Variants in EXOC5 observed in about 807,000 individuals in gnomAD.
EXOC5 encodes SEC10-like 1.
EXOC5 carries 17 observed loss-of-function variants against 90.8 expected under a neutral mutation model. That is an observed-to-expected ratio of 0.19 (90% CI 0.13 to 0.28). The LOEUF is 0.28. Ranked by LOEUF, EXOC5 falls within the 10% of genes least tolerant of loss-of-function variation. The pLI, the probability that EXOC5 is intolerant of heterozygous loss-of-function variation, is 1.00. For synonymous variants in EXOC5, 260 were observed against 270.0 expected (o/e 0.96, Z 0.36); for missense variants, 569 against 830.6 (o/e 0.69, Z 3.87).
At chr14:57,233,488 A>AAT (rs1883547171) in intron 9 of EXOC5, among the ~76,000 whole-genome samples, 1 of 152,032 alleles carries the variant, frequency 6.6e-6, no homozygotes, top group Non-Finnish European at 1.5e-5. Flanking sequence ...ATCTTACCAC[A>AAT]ATATATTATA....
chr14:57,217,587 T>C (rs1372558835), intron 15 of EXOC5, among the ~76,000 whole-genome samples: 4 of 152,162 alleles, frequency 2.6e-5, no homozygotes, highest in African/African-American at 9.6e-5. Flanking sequence ...CTCCAGATAA[T>C]GGCTGTTTCC....
chr14:57,218,880 TA>T (rs1256923994), intron 14 of EXOC5, among the ~76,000 whole-genome samples: 7 of 152,110 alleles, frequency 4.6e-5, no homozygotes, highest in Admixed American at 4.6e-4. Context: ...TATGAAGATA[TA>T]AACCAAACCT....
At chr14:57,235,031 C>T (rs1469668488) in intron 7 of EXOC5, among the ~76,000 whole-genome samples, 1 of 152,036 alleles carries the variant, frequency 6.6e-6, no homozygotes, top group Non-Finnish European at 1.5e-5. Context: ...ATAAATCATA[C>T]ATAAAAACCA....
At chr14:57,246,975 A>G in intron 2 of EXOC5, 117 bp from the exon 3 acceptor site, 1 of 583,674 alleles carries the variant, frequency 1.7e-6, no homozygotes, top group South Asian at 2.8e-5. Context: ...TGAAATGATC[A>G]TGTTAATTTT....
At chr14:57,225,852 G>A (rs1208799459) in intron 12 of EXOC5, among the ~76,000 whole-genome samples, 1 of 152,192 alleles carries the variant, frequency 6.6e-6, no homozygotes, top group African/African-American at 2.4e-5. Flanking sequence ...TGTCCGGAAA[G>A]GCGGGACAAC....
intron 1 of EXOC5, among the ~76,000 whole-genome samples, chr14:57,250,798 G>T (rs75139575): frequency 2.0e-5 from 3 of 152,186 alleles, no homozygotes; most frequent in Admixed American, 6.5e-5. Context: ...AGTTGAGGTA[G>T]CTAATCATGC....
chr14:57,261,247 A>T (rs1175092244), intron 1 of EXOC5, among the ~76,000 whole-genome samples: 3 of 152,326 alleles, frequency 2.0e-5, no homozygotes, highest in African/African-American at 7.2e-5. Context: ...AGAACAAGGC[A>T]ATCAATCACT....
At chr14:57,251,997 G>A (rs946290256) in intron 1 of EXOC5, among the ~76,000 whole-genome samples, 1 of 152,048 alleles carries the variant, frequency 6.6e-6, no homozygotes, top group African/African-American at 2.4e-5. Flanking sequence ...AATCTACCAA[G>A]GCTAAATCCT....
chr14:57,268,548 C>T (rs1884767317), intron 1 of EXOC5, 74 bp downstream of exon 1: 2 of 1,545,140 alleles, frequency 1.3e-6, no homozygotes. Flanking sequence ...AGCAAACGCC[C>T]GCTCCTCGGC....
At chr14:57,218,466 A>C (rs1244237604) in intron 14 of EXOC5, among the ~76,000 whole-genome samples, 1 of 152,084 alleles carries the variant, frequency 6.6e-6, no homozygotes, top group Non-Finnish European at 1.5e-5. Flanking sequence ...GAATACAGTA[A>C]ATCATACTAT....
At chr14:57,268,410 C>A in intron 1 of EXOC5, 2 of 1,386,180 alleles carry the variant, frequency 1.4e-6, no homozygotes, top group South Asian at 2.9e-5. Flanking sequence ...CTCTGCCGAC[C>A]GGCCGCCCAG....
intron 4 of EXOC5, among the ~76,000 whole-genome samples, chr14:57,241,992 G>A (rs1316476204): frequency 6.6e-6 from 1 of 151,788 alleles, no homozygotes; most frequent in Non-Finnish European, 1.5e-5. Context: ...AATTAGCCGG[G>A]TATGGTGGCA....
chr14:57,265,578 A>T (rs975946449), intron 1 of EXOC5, among the ~76,000 whole-genome samples: 10 of 152,186 alleles, frequency 6.6e-5, no homozygotes, highest in Non-Finnish European at 1.5e-4. Context: ...TTTAAAAATC[A>T]GCTGGGCATG....
rs375558797 is a variant in EXOC5 at position 57,264,177 on chromosome 14, T to C, written c.27+4445A>G. Among the ~76,000 whole-genome samples the C allele has an allele frequency of 5.3e-5, 8 of 152,326 alleles. No homozygotes were observed. In the East Asian group the frequency reaches 9.6e-4, roughly 18 times the overall value. On this transcript the variant is annotated intron_variant, in intron 1 of 17. Transcript: ENST00000621441. ...TTCTATCATATCCATGTTACTACAA[T>C]TGGTAGCCAAGGTCTATAAACACTT... is the stretch of plus-strand genomic sequence containing the variant.
chr14:57,235,007 A>AT (rs1018390986), intron 7 of EXOC5, among the ~76,000 whole-genome samples: 3 of 152,186 alleles, frequency 2.0e-5, no homozygotes, highest in African/African-American at 7.2e-5. Flanking sequence ...CCATAATGAG[A>AT]TTTTTGCCTA....
At chr14:57,255,394 C>T (rs144397272) in intron 1 of EXOC5, among the ~76,000 whole-genome samples, 40 of 152,232 alleles carry the variant, frequency 2.6e-4, no homozygotes, top group Non-Finnish European at 4.4e-4. Flanking sequence ...GTTCCTCTGG[C>T]ACAGGACTCC....
At chr14:57,212,618 T>C (rs1402468799) in intron 15 of EXOC5, among the ~76,000 whole-genome samples, 2 of 152,240 alleles carry the variant, frequency 1.3e-5, no homozygotes, top group Non-Finnish European at 2.9e-5. Flanking sequence ...TTCATCAACA[T>C]TATAGACTTA....
rs1475599292 is a variant in EXOC5 at position 57,201,523 on chromosome 14, T to C, written c.*7086A>G. On this transcript the variant is annotated 3_prime_UTR_variant, in exon 18 of 18. Coordinates refer to ENST00000621441, the MANE Select transcript of EXOC5 (RefSeq NM_006544.4). The stretch of plus-strand genomic sequence containing the variant: ...ATATACACACACATATGTATATATA[T>C]ACACACACACCACACATATACATAT... 8 of 141,890 alleles carry C rather than the reference T, an allele frequency of 5.6e-5. No individual in the cohort carries two copies. The highest frequency in any genetic ancestry group is 1.1e-4 in the African/African-American group (4 of 35,516). 8.8% of individuals were successfully genotyped at this position (141,890 alleles called of 1,614,324 possible).
intron 1 of EXOC5, among the ~76,000 whole-genome samples, chr14:57,264,892 A>G (rs951719404): frequency 6.6e-6 from 1 of 152,156 alleles, no homozygotes; most frequent in Non-Finnish European, 1.5e-5. Context: ...CTCTCCCTCT[A>G]TTTGATAAGG....
Sources: allele counts gnomAD v4.1 joint callset (sites outside exome capture counted in the v4.1 genomes callset), GRCh38; gene constraint gnomAD v4.1.1; transcripts MANE v1.5; gene names NCBI Gene and HGNC (gene_info 2026-07-23, HGNC 2026-07-21).